OSBPL8: variants seen among roughly 807,000 people sequenced by gnomAD.
OSBPL8 encodes oxysterol-binding protein-related protein 8.
A neutral mutation model predicts 125.5 loss-of-function variants in OSBPL8; 59 were observed. The observed-to-expected ratio is 0.47, with a 90% CI of 0.38 to 0.58. OSBPL8 has a LOEUF of 0.58. Ranked by LOEUF, OSBPL8 falls within the 20% of genes least tolerant of loss-of-function variation. The pLI, the probability that OSBPL8 is intolerant of heterozygous loss-of-function variation, is 0.00. For missense variants in OSBPL8, 758 were observed against 1,047.8 expected (o/e 0.72, Z 3.82); for synonymous variants, 330 against 338.9 (o/e 0.97, Z 0.29).
At chr12:76,409,272 C>T (rs1037741395) in intron 5 of OSBPL8, among the ~76,000 whole-genome samples, 1 of 152,126 alleles carries the variant, frequency 6.6e-6, no homozygotes, top group Non-Finnish European at 1.5e-5. Flanking sequence ...GGTGCTCTAC[C>T]TATCCTTAGA....
intron 2 of OSBPL8, among the ~76,000 whole-genome samples, chr12:76,464,198 GTT>G: frequency 1.3e-5 from 2 of 152,118 alleles, no homozygotes; most frequent in African/African-American, 4.8e-5. Flanking sequence ...GAGCCCAGGA[GTT>G]CAAGGCTGCA....
chr12:76,384,101 T>A (rs1453085553), intron 15 of OSBPL8, among the ~76,000 whole-genome samples, 153 bp downstream of exon 15: 1 of 152,234 alleles, frequency 6.6e-6, no homozygotes, highest in East Asian at 1.9e-4. Context: ...CCTTTATTTA[T>A]GAGTGGGCAG....
intron 4 of OSBPL8, among the ~76,000 whole-genome samples, chr12:76,447,534 T>G (rs1197847465): frequency 6.6e-6 from 1 of 152,044 alleles, no homozygotes; most frequent in East Asian, 1.9e-4. Context: ...TACAGGACAC[T>G]GGCCTAGATC....
At chr12:76,547,435 TA>T (rs1950812677) in intron 1 of OSBPL8, among the ~76,000 whole-genome samples, 1 of 151,314 alleles carries the variant, frequency 6.6e-6, no homozygotes, top group African/African-American at 2.4e-5. Flanking sequence ...TACAAAACAA[TA>T]AAAAAGAATA....
intron 2 of OSBPL8, among the ~76,000 whole-genome samples, chr12:76,480,035 C>T (rs573994482): frequency 3.3e-4 from 50 of 151,642 alleles, no homozygotes; most frequent in Non-Finnish European, 4.4e-4. Flanking sequence ...GGCATGGTGG[C>T]GCATGCCTGT....
intron 1 of OSBPL8, among the ~76,000 whole-genome samples, chr12:76,502,585 GATACGATGGGATA>G (rs1263315052): frequency 1.3e-5 from 2 of 152,204 alleles, no homozygotes; most frequent in Non-Finnish European, 2.9e-5. Flanking sequence ...GGATATTTCA[GATACGATGGGATA>G]ATATGATGGG....
At chr12:76,497,446 G>C (rs574819796) in intron 1 of OSBPL8, among the ~76,000 whole-genome samples, 25 of 152,212 alleles carry the variant, frequency 1.6e-4, no homozygotes, top group Admixed American at 4.6e-4. Flanking sequence ...GCATAATAAA[G>C]GAATCTTTCC....
At chr12:76,430,742 A>C (rs1392432738) in intron 4 of OSBPL8, among the ~76,000 whole-genome samples, 2 of 152,216 alleles carry the variant, frequency 1.3e-5, no homozygotes, top group African/African-American at 4.8e-5. Context: ...GTACTGAAAG[A>C]AAATGTTGCC....
In OSBPL8 at chr12:76,369,830, A is replaced by G. The variant is rs767004751; in HGVS notation, c.2055-8T>C. Reference sequence around the variant, plus strand: ...GTTACCCGTTGCCAGAGTCTAATACATGTGCGAAAATATTAAAAGTATTAA... The same window carrying G: ...GTTACCCGTTGCCAGAGTCTAATACGTGTGCGAAAATATTAAAAGTATTAA... On this transcript the variant is annotated splice_region_variant and splice_polypyrimidine_tract_variant and intron_variant, in intron 19 of 23. Transcript: ENST00000261183. The G allele has an allele frequency of 3.1e-6, 5 of 1,593,298 alleles. No homozygotes were observed. Among genetic ancestry groups the G allele is most frequent in the Middle Eastern group, 1.7e-4 (1 of 5,938 alleles).
intron 2 of OSBPL8, among the ~76,000 whole-genome samples, chr12:76,480,891 T>C (rs1224409241): frequency 6.6e-6 from 1 of 152,148 alleles, no homozygotes; most frequent in Non-Finnish European, 1.5e-5. Context: ...TCTGCAGATG[T>C]GATTAGGTTA....
In OSBPL8 at chr12:76,355,885, A is replaced by T. The variant is rs979177182; in HGVS notation, c.*4T>A. 3 of 1,613,066 alleles carry T rather than the reference A, an allele frequency of 1.9e-6. No individual in the cohort carries two copies. The Admixed American group carries it at 5.0e-5, about 27-fold the overall frequency. ...TAGTTCACTGATTCAATGGTAGAGA[A>T]CTTCTACTTGAACATGAAGTTTATT... On this transcript the variant is annotated 3_prime_UTR_variant, in exon 24 of 24. Coordinates refer to ENST00000261183, the MANE Select transcript of OSBPL8 (RefSeq NM_020841.5).
chr12:76,373,305 TAAAATTC>T, intron 18 of OSBPL8, 32 bp downstream of exon 18: 1 of 1,288,346 alleles, frequency 7.8e-7, no homozygotes, highest in Non-Finnish European at 1.1e-6. Context: ...TCCCACAGAA[TAAAATTC>T]TTTTTGTAAA....
At chr12:76,519,230 G>A (rs995471692) in intron 1 of OSBPL8, among the ~76,000 whole-genome samples, 6 of 152,092 alleles carry the variant, frequency 3.9e-5, no homozygotes, top group Admixed American at 2.6e-4. Context: ...TCTTAAGTTC[G>A]ACCTTCCACA....
At chr12:76,384,404 A>G in intron 14 of OSBPL8, 54 bp from the exon 15 acceptor site, 1 of 988,948 alleles carries the variant, frequency 1.0e-6, no homozygotes, top group Admixed American at 2.7e-5. Context: ...ATGTTTATAT[A>G]AAATATAAAA....
chr12:76,483,726 G>A (rs932134993), intron 2 of OSBPL8, among the ~76,000 whole-genome samples: 3 of 126,576 alleles, frequency 2.4e-5, no homozygotes, highest in African/African-American at 9.2e-5. Flanking sequence ...CCAGGCTGGA[G>A]TGCAATGGCA....
At chr12:76,556,094 C>T (rs981734611) in intron 1 of OSBPL8, among the ~76,000 whole-genome samples, 6 of 152,144 alleles carry the variant, frequency 3.9e-5, no homozygotes, top group African/African-American at 1.4e-4. Flanking sequence ...TTTATCATTT[C>T]GCTGCTTGCA....
intron 4 of OSBPL8, among the ~76,000 whole-genome samples, chr12:76,438,065 C>T (rs538489610): frequency 6.6e-6 from 1 of 152,136 alleles, no homozygotes; most frequent in East Asian, 1.9e-4. Context: ...CGGCTCACTG[C>T]AAGCTCTGCC....
At chr12:76,518,534 T>C (rs1881772875) in intron 1 of OSBPL8, among the ~76,000 whole-genome samples, 1 of 152,206 alleles carries the variant, frequency 6.6e-6, no homozygotes. Context: ...TAGAGGGGAC[T>C]CTGTGTGGGA....
intron 1 of OSBPL8, among the ~76,000 whole-genome samples, chr12:76,540,605 G>T (rs1187609834): frequency 1.3e-5 from 2 of 150,622 alleles, no homozygotes; most frequent in Non-Finnish European, 2.9e-5. Flanking sequence ...GGTGGCAACA[G>T]AAGCCAACTT....
Sources: allele counts gnomAD v4.1 joint callset (sites outside exome capture counted in the v4.1 genomes callset), GRCh38; gene constraint gnomAD v4.1.1; transcripts MANE v1.5; gene names NCBI Gene and HGNC (gene_info 2026-07-23, HGNC 2026-07-21).